ACAP2: variants seen among roughly 807,000 people sequenced by gnomAD.
ACAP2 encodes arf-GAP with coiled-coil, ANK repeat and PH domain-containing protein 2.
In ACAP2, 39 loss-of-function variants were observed where a neutral mutation model predicts 115.8. The ratio of observed to expected loss-of-function variants is 0.34; its 90% CI spans 0.26 to 0.44. ACAP2 has a LOEUF of 0.44. Among genes scored for constraint, ACAP2 ranks in the 20% least tolerant of loss-of-function variants. ACAP2 has a pLI of 1.00. For missense variants in ACAP2, 662 were observed against 927.6 expected (o/e 0.71, Z 3.72); for synonymous variants, 289 against 315.8 (o/e 0.92, Z 0.90).
rs569610380 is a variant in ACAP2 at position 195,327,042 on chromosome 3, G to C, written c.670-83C>G. On this transcript the variant is annotated intron_variant, in intron 8 of 22. Transcript: ENST00000326793. ...AAACCATATTCCAAATCATTTCACAGATAAATAAAAAATCACTCAATTTAA... is the reference window on the plus strand; with the variant it reads ...AAACCATATTCCAAATCATTTCACACATAAATAAAAAATCACTCAATTTAA... 7.3e-6 allele frequency: 9 copies of C among 1,227,050 alleles called. No individual in the cohort carries two copies. The South Asian group carries it at 1.3e-4, about 17-fold the overall frequency. The allele number at this position is 1,227,050 out of a possible 1,614,324, so 76.0% of individuals were successfully genotyped here.
At chr3:195,438,048 T>C (rs1385358067) in intron 1 of ACAP2, among the ~76,000 whole-genome samples, 2 of 145,722 alleles carry the variant, frequency 1.4e-5, no homozygotes, top group Admixed American at 6.9e-5. Context: ...TTTTTTGAGA[T>C]GGAGTCTCAC....
At position 195,289,161 on chromosome 3, in the gene ACAP2, T is replaced by C; in HGVS notation, c.2134A>G (p.Ser712Gly). The part of the protein sequence containing the change: ...ATDEEGKDPL[S>G]IAVEAANADI... ...GCATTGGCTGCTTCCACAGCTATGC[T>C]CAAAGGGTCTTTCCCTTCTTCATCA... The change falls in exon 21 of 23, where the codon AGC becomes GGC. Residue 712 changes from serine (S) to glycine (G), a missense_variant. This residue lies in a region of ACAP2 where 128 missense variants were observed against 200.2 expected (regional missense o/e 0.64). Coordinates refer to ENST00000326793, the MANE Select transcript of ACAP2 (RefSeq NM_012287.6). The C allele has an allele frequency of 6.2e-7, 1 of 1,613,620 alleles. No individual in the cohort carries two copies. The highest frequency in any genetic ancestry group is 8.5e-7 in the Non-Finnish European group (1 of 1,179,868).
chr3:195,380,003 C>T (rs956362791), intron 4 of ACAP2, among the ~76,000 whole-genome samples: 4 of 152,048 alleles, frequency 2.6e-5, no homozygotes, highest in South Asian at 4.2e-4. Flanking sequence ...GTGTTGATAA[C>T]GATGTGGAGA....
chr3:195,412,939 G>A (rs1279124664), intron 1 of ACAP2: 3 of 455,638 alleles, frequency 6.6e-6, no homozygotes, highest in African/African-American at 4.0e-5. Context: ...AACACAATTA[G>A]TAAACAGATA....
At chr3:195,337,489 C>G (rs73206691) in intron 6 of ACAP2, among the ~76,000 whole-genome samples, 1 of 137,912 alleles carries the variant, frequency 7.3e-6, no homozygotes, top group African/African-American at 2.8e-5. Flanking sequence ...GCTCTTATTG[C>G]GCAGGCTGCA....
intron 2 of ACAP2, among the ~76,000 whole-genome samples, chr3:195,383,007 G>A (rs1316784447): frequency 6.6e-6 from 1 of 152,100 alleles, no homozygotes; most frequent in African/African-American, 2.4e-5. Flanking sequence ...ATCCAAGAGG[G>A]GAGGTATATA....
intron 17 of ACAP2, chr3:195,295,427 T>C (rs550118669): frequency 3.6e-6 from 2 of 551,472 alleles, no homozygotes; most frequent in South Asian, 1.9e-5. Context: ...AATCAGATAC[T>C]TAGGGCTTTT....
intron 13 of ACAP2, among the ~76,000 whole-genome samples, 186 bp downstream of exon 13, chr3:195,306,325 T>C (rs1728417802): frequency 1.3e-5 from 2 of 151,934 alleles, no homozygotes; most frequent in African/African-American, 4.8e-5. Flanking sequence ...AATACTGAAA[T>C]AAAATGGTAA....
chr3:195,309,975 T>C (rs1282933767), intron 10 of ACAP2, among the ~76,000 whole-genome samples: 4 of 152,196 alleles, frequency 2.6e-5, no homozygotes, highest in East Asian at 3.8e-4. Flanking sequence ...AAACTTCTTA[T>C]CAAGCATGAA....
At chr3:195,290,849 T>TAATTAATA (rs1553843261) in intron 20 of ACAP2, among the ~76,000 whole-genome samples, 1 of 134,192 alleles carries the variant, frequency 7.5e-6, no homozygotes, top group East Asian at 2.3e-4. Context: ...AATAAATAAA[T>TAATTAATA]AATAAATAAA....
rs1728658038 is a variant in ACAP2 at position 195,309,981 on chromosome 3, A to G, written c.858-1144T>C. 2.0e-5 allele frequency among the ~76,000 whole-genome samples: 3 copies of G among 152,252 alleles called. No individual in the cohort carries two copies. In the South Asian group the frequency reaches 6.2e-4, roughly 31 times the overall value. On this transcript the variant is annotated intron_variant, in intron 10 of 22. Transcript: ENST00000326793. ...AAGAAAGCAAAACTTCTTATCAAGC[A>G]TGAAAGGTAAAACAGTATTTGAATC... is the stretch of plus-strand genomic sequence containing the variant.
At chr3:195,362,915 T>C (rs150287657) in intron 4 of ACAP2, among the ~76,000 whole-genome samples, 53 of 152,312 alleles carry the variant, frequency 3.5e-4, no homozygotes, top group Admixed American at 1.0e-3. Flanking sequence ...GGATGCCCAC[T>C]GTCATCACTG....
intron 2 of ACAP2, among the ~76,000 whole-genome samples, chr3:195,391,229 T>TC (rs1734652380): frequency 9.7e-6 from 1 of 102,826 alleles, no homozygotes; most frequent in Non-Finnish European, 2.1e-5. Flanking sequence ...CTTCTCTTTC[T>TC]TTTTTTTTTT....
chr3:195,326,225 C>T (rs1729785509), intron 9 of ACAP2: 1 of 152,202 alleles, frequency 6.6e-6, no homozygotes, highest in South Asian at 2.1e-4. Flanking sequence ...CAGCACTCTC[C>T]TTTTATTTTC....
chr3:195,381,427 T>G (rs763324559), intron 3 of ACAP2, among the ~76,000 whole-genome samples: 7 of 152,172 alleles, frequency 4.6e-5, no homozygotes, highest in Non-Finnish European at 1.0e-4. Flanking sequence ...CCAGTTATTA[T>G]TTCTCATGAA....
At chr3:195,380,171 C>A (rs1241158728) in intron 4 of ACAP2, among the ~76,000 whole-genome samples, 2 of 152,012 alleles carry the variant, frequency 1.3e-5, no homozygotes, top group African/African-American at 2.4e-5. Context: ...AACAGGCACT[C>A]AAGCAGATAC....
In ACAP2 at chr3:195,326,901, G is replaced by C; in HGVS notation, c.728C>G (p.Ser243Cys). 6.2e-7 allele frequency: 1 copy of C among 1,613,874 alleles called. No homozygotes were observed. The highest frequency in any genetic ancestry group is 8.5e-7 in the Non-Finnish European group (1 of 1,179,920). ...CTGAGGTACCTTTTGTTGAATGGTG[G>C]AATGTTTTTGCTCCATTTCTCTTTT... Reference protein sequence around the residue: ...KEKREMEQKHSTIQQKDFSSD... With the variant: ...KEKREMEQKHCTIQQKDFSSD... Residue 243 changes from serine to cysteine, a missense_variant, in exon 9 of 23, where the codon TCC (serine) becomes TGC (cysteine). Ser to Cys is a moderately radical substitution (Grantham distance 112). Transcript: ENST00000326793.
intron 1 of ACAP2, among the ~76,000 whole-genome samples, chr3:195,401,189 T>C (rs1423508976): frequency 6.6e-6 from 1 of 152,206 alleles, no homozygotes; most frequent in African/African-American, 2.4e-5. Context: ...ATACTCAGCC[T>C]TGCAGGGTTC....
rs145089894 is a variant in ACAP2, at chr3:195,342,400, C to T, written c.528+71G>A. 28 of 1,383,072 alleles carry T rather than the reference C, an allele frequency of 2.0e-5. No homozygotes were observed. The African/African-American group carries it at 3.1e-4, about 15-fold the overall frequency. The allele number at this position is 1,383,072 out of a possible 1,614,324, so 85.7% of individuals were successfully genotyped here. A position where few individuals can be genotyped will look rare whatever the true frequency, so the allele number is the denominator to read the frequency against. On this transcript the variant is annotated intron_variant, in intron 6 of 22. Coordinates refer to ENST00000326793, the MANE Select transcript of ACAP2 (RefSeq NM_012287.6). Reference sequence around the variant, plus strand: ...GTAAAAGTATTTATTCTTCTTAGGGCGATCACTCAAAAGTAACAACCTGTT... The same window carrying T: ...GTAAAAGTATTTATTCTTCTTAGGGTGATCACTCAAAAGTAACAACCTGTT...
Sources: gnomAD v4.1 joint callset for allele counts (sites outside exome capture counted in the v4.1 genomes callset) on GRCh38, gnomAD v4.1.1 for gene constraint, gnomAD v4.1.1 regional missense constraint, MANE v1.5 for transcripts, NCBI Gene and HGNC (gene_info 2026-07-23, HGNC 2026-07-21) for gene names.